RBFOX1: variants seen among roughly 807,000 people sequenced by gnomAD.
The protein encoded by RBFOX1 is RNA binding protein fox-1 homolog 1.
Under a neutral mutation model 57.7 loss-of-function variants are expected in RBFOX1, and 8 were observed. The ratio of observed to expected loss-of-function variants is 0.14; its 90% CI spans 0.08 to 0.25. The LOEUF is 0.25. Among genes scored for constraint, RBFOX1 ranks in the 10% least tolerant of loss-of-function variants. RBFOX1 has a pLI of 1.00. For synonymous variants in RBFOX1, 326 were observed against 222.4 expected, an observed-to-expected ratio of 1.47 and a Z score of -4.15; for missense variants, 611 against 548.5, an observed-to-expected ratio of 1.11 and a Z score of -1.14.
intron 4 of RBFOX1, among the ~76,000 whole-genome samples, chr16:7,369,765 T>C (rs375119733): frequency 1.3e-5 from 2 of 152,154 alleles, no homozygotes; most frequent in Non-Finnish European, 2.9e-5. Context: ...TGTAATGTGA[T>C]TGAAAAATAA....
At chr16:7,399,093 A>G (rs995349034) in intron 4 of RBFOX1, among the ~76,000 whole-genome samples, 1 of 152,224 alleles carries the variant, frequency 6.6e-6, no homozygotes, top group Non-Finnish European at 1.5e-5. Flanking sequence ...TAATATACTC[A>G]TGTAACAAAG....
intron 4 of RBFOX1, among the ~76,000 whole-genome samples, chr16:7,493,244 G>C (rs947105190): frequency 6.6e-6 from 1 of 152,132 alleles, no homozygotes; most frequent in African/African-American, 2.4e-5. Flanking sequence ...AACACACTCA[G>C]TCAGACTGTC....
intron 2 of RBFOX1, among the ~76,000 whole-genome samples, chr16:6,582,776 T>C (rs2097554667): frequency 6.6e-6 from 1 of 151,382 alleles, no homozygotes; most frequent in African/African-American, 2.4e-5. Flanking sequence ...CTTTCCTTCC[T>C]CTTTCCCTTC....
At chr16:5,804,210 T>G (rs1436528133) in intron 3 of RBFOX1, among the ~76,000 whole-genome samples, 1 of 152,116 alleles carries the variant, frequency 6.6e-6, no homozygotes. Flanking sequence ...TAAATGTTAG[T>G]GAGGTGAGGA....
intron 4 of RBFOX1, among the ~76,000 whole-genome samples, chr16:7,399,509 C>T (rs148164706): frequency 7.9e-4 from 120 of 152,216 alleles, no homozygotes; most frequent in African/African-American, 2.6e-3. Flanking sequence ...AGATTGGCTC[C>T]TTATGGAGAC....
chr16:7,545,679 A>C (rs2084270927), intron 5 of RBFOX1, among the ~76,000 whole-genome samples: 1 of 152,100 alleles, frequency 6.6e-6, no homozygotes, highest in Non-Finnish European at 1.5e-5. Flanking sequence ...GTTGCCCGAC[A>C]CGGTGACTTG....
At chr16:6,571,326 G>A (rs1234378472) in intron 2 of RBFOX1, among the ~76,000 whole-genome samples, 1 of 152,196 alleles carries the variant, frequency 6.6e-6, no homozygotes, top group Non-Finnish European at 1.5e-5. Context: ...GCTGCAGGGG[G>A]TGACGGTGGG....
chr16:6,537,230 G>T (rs1599185479), intron 2 of RBFOX1, among the ~76,000 whole-genome samples: 1 of 152,040 alleles, frequency 6.6e-6, no homozygotes. Flanking sequence ...AAGCTTCCAG[G>T]TGTTGTTCCT....
intron 4 of RBFOX1, among the ~76,000 whole-genome samples, chr16:7,468,265 C>G (rs1300870006): frequency 6.6e-6 from 1 of 152,128 alleles, no homozygotes; most frequent in Non-Finnish European, 1.5e-5. Context: ...TTGGGAACAC[C>G]CCAAAGAGTG....
At chr16:6,618,733 G>T (rs1859914698) in intron 2 of RBFOX1, among the ~76,000 whole-genome samples, 1 of 152,154 alleles carries the variant, frequency 6.6e-6, no homozygotes, top group African/African-American at 2.4e-5. Context: ...TCACCACAGT[G>T]TCATAAAGCT....
intron 4 of RBFOX1, among the ~76,000 whole-genome samples, chr16:5,901,188 C>T (rs1474045620): frequency 3.3e-5 from 5 of 152,160 alleles, no homozygotes; most frequent in Non-Finnish European, 5.9e-5. Flanking sequence ...CTTACCATTC[C>T]CTAAGGGCTG....
intron 2 of RBFOX1, among the ~76,000 whole-genome samples, chr16:6,498,614 A>G (rs2095837964): frequency 6.6e-6 from 1 of 152,186 alleles, no homozygotes; most frequent in Non-Finnish European, 1.5e-5. Flanking sequence ...GGTGAGCAAT[A>G]TACAATTAGT....
intron 4 of RBFOX1, among the ~76,000 whole-genome samples, chr16:7,154,804 C>T (rs1391510430): frequency 1.3e-5 from 2 of 150,782 alleles, no homozygotes; most frequent in Admixed American, 6.6e-5. Context: ...TTACCAAATG[C>T]TTTATGAGTA....
At chr16:7,083,181 G>A (rs750598067) in intron 4 of RBFOX1, among the ~76,000 whole-genome samples, 4 of 152,026 alleles carry the variant, frequency 2.6e-5, no homozygotes, top group Non-Finnish European at 4.4e-5. Context: ...GACACCCCCC[G>A]AGGGGACAGT....
intron 2 of RBFOX1, among the ~76,000 whole-genome samples, chr16:5,559,084 G>T (rs1048354282): frequency 7.0e-6 from 1 of 142,660 alleles, no homozygotes; most frequent in Admixed American, 7.5e-5. Flanking sequence ...GGAAACCTGA[G>T]ATTTTGATAT....
chr16:5,721,856 C>T (rs563793940), intron 3 of RBFOX1, among the ~76,000 whole-genome samples: 3 of 152,288 alleles, frequency 2.0e-5, no homozygotes, highest in South Asian at 2.1e-4. Context: ...CTAAACCGGT[C>T]CCAGACAGAG....
intron 3 of RBFOX1, among the ~76,000 whole-genome samples, chr16:5,785,347 A>T (rs995814205): frequency 5.9e-5 from 9 of 152,030 alleles, no homozygotes; most frequent in Non-Finnish European, 8.8e-5. Context: ...AAACTATCCA[A>T]TTCTGAGCTT....
In RBFOX1 at chr16:7,324,507, C is replaced by T. The variant is rs564530180; in HGVS notation, c.28-193640C>T. Among the ~76,000 whole-genome samples, 91 of 152,294 alleles carry T rather than the reference C, an allele frequency of 6.0e-4. 1 individual carries two copies. Among genetic ancestry groups the T allele is most frequent in the Admixed American group, 2.1e-3 (32 of 15,292 alleles). ...AAGCAAGGTCAACAAATTCTCAAAC[C>T]CAGTTGTCATTCATCCCCAGACAGG... On this transcript the variant is annotated intron_variant, in intron 4 of 15. Transcript: ENST00000550418.
At chr16:7,027,442 A>G (rs941362247) in intron 3 of RBFOX1, among the ~76,000 whole-genome samples, 2 of 152,118 alleles carry the variant, frequency 1.3e-5, no homozygotes, top group Non-Finnish European at 2.9e-5. Context: ...TTCAGGTGGA[A>G]TAGGAGAGGT....
Sources: gnomAD v4.1 joint callset for allele counts (sites outside exome capture counted in the v4.1 genomes callset) on GRCh38, gnomAD v4.1.1 for gene constraint, MANE v1.5 for transcripts, NCBI Gene and HGNC (gene_info 2026-07-23, HGNC 2026-07-21) for gene names.